Variants in CACNA1A observed in about 807,000 individuals in gnomAD.
CACNA1A encodes voltage-dependent P/Q-type calcium channel subunit alpha-1A.
CACNA1A carries 57 observed loss-of-function variants against 262.4 expected under a neutral mutation model. That is an observed-to-expected ratio of 0.22 (90% CI 0.18 to 0.27). CACNA1A has a LOEUF of 0.27. Ranked by LOEUF, CACNA1A falls within the 10% of genes least tolerant of loss-of-function variation. The pLI is 1.00. For synonymous variants in CACNA1A, 1,431 were observed against 1,419.3 expected (o/e 1.01, Z -0.18); for missense variants, 2,526 against 3,562.8 (o/e 0.71, Z 7.41).
chr19:13,491,372 C>T (rs927647484), intron 1 of CACNA1A, among the ~76,000 whole-genome samples: 64 of 152,240 alleles, frequency 4.2e-4, no homozygotes, highest in Admixed American at 1.4e-3. Flanking sequence ...CATAAGCTCC[C>T]CACAGAGAGG....
intron 4 of CACNA1A, chr19:13,371,470 G>A: frequency 1.8e-6 from 1 of 554,236 alleles, no homozygotes; most frequent in Admixed American, 3.1e-5. Flanking sequence ...GACAGTAGGT[G>A]CTCAATAAAT....
At chr19:13,252,569 T>C (rs1006494569) in intron 30 of CACNA1A, 1 of 152,750 alleles carries the variant, frequency 6.5e-6, no homozygotes, top group African/African-American at 2.4e-5. Flanking sequence ...TTTGTATTTT[T>C]AGTAGAGACA....
intron 21 of CACNA1A, 27 bp downstream of exon 21, chr19:13,285,041 C>A (rs375388960): frequency 2.5e-6 from 4 of 1,613,524 alleles, no homozygotes; most frequent in African/African-American, 2.7e-5. Flanking sequence ...CCAGGCCCCC[C>A]CTGCCCTTGC....
At chr19:13,270,438 C>T (rs542459460) in intron 24 of CACNA1A, among the ~76,000 whole-genome samples, 2 of 151,658 alleles carry the variant, frequency 1.3e-5, no homozygotes, top group South Asian at 2.1e-4. Flanking sequence ...GAGAGTTCAG[C>T]GCTCAGGCTG....
chr19:13,238,885 C>T (rs370184789), intron 31 of CACNA1A, among the ~76,000 whole-genome samples: 5 of 152,136 alleles, frequency 3.3e-5, no homozygotes, highest in East Asian at 3.8e-4. Flanking sequence ...CCGTGCTCAG[C>T]CTATCTCCCA....
chr19:13,501,075 A>G (rs1398341230), intron 1 of CACNA1A, among the ~76,000 whole-genome samples: 1 of 152,178 alleles, frequency 6.6e-6, no homozygotes, highest in South Asian at 2.1e-4. Flanking sequence ...TTTAGGGTTG[A>G]TGAAACTGTC....
rs984743792 is a variant in CACNA1A, at chr19:13,420,941, T to C, written c.539+31935A>G. Among the ~76,000 whole-genome samples the C allele has an allele frequency of 2.0e-5, 3 of 152,180 alleles. No homozygotes were observed. The South Asian group carries it at 6.2e-4, about 32-fold the overall frequency. ...CAGTAATGGAATTTTAGCCAAGTCA[T>C]GGAGTTCCCAACAAAACTACATTTC... On this transcript the variant is annotated intron_variant, in intron 3 of 46. Transcript: ENST00000360228.
At chr19:13,478,555 G>A (rs1192019148) in intron 1 of CACNA1A, among the ~76,000 whole-genome samples, 1 of 152,066 alleles carries the variant, frequency 6.6e-6, no homozygotes, top group Non-Finnish European at 1.5e-5. Context: ...GGCCTCCAGC[G>A]ATCCTCCTAC....
At position 13,235,600 on chromosome 19, in the gene CACNA1A, G is replaced by A. The variant is rs2144649493; in HGVS notation, c.5067+14C>T. 1 of 1,563,830 alleles carries A rather than the reference G, an allele frequency of 6.4e-7. No homozygotes were observed. Among genetic ancestry groups the A allele is most frequent in the African/African-American group, 1.4e-5 (1 of 74,030 alleles). On this transcript the variant is annotated intron_variant, in intron 32 of 46. Coordinates refer to ENST00000360228, the MANE Select transcript of CACNA1A (RefSeq NM_001127222.2). ...CTTCTCAGCCCTGGGCCAGCAGCAG[G>A]GACGAGGACTCACCTTGAAGGACTG...
intron 22 of CACNA1A, among the ~76,000 whole-genome samples, chr19:13,280,544 G>A (rs984589754): frequency 6.6e-6 from 1 of 151,936 alleles, no homozygotes; most frequent in Non-Finnish European, 1.5e-5. Context: ...GAGGGGCGTG[G>A]CATGGGGACA....
intron 3 of CACNA1A, among the ~76,000 whole-genome samples, chr19:13,442,972 G>A (rs1315582717): frequency 6.6e-6 from 1 of 152,048 alleles, no homozygotes; most frequent in Non-Finnish European, 1.5e-5. Flanking sequence ...TCAAATCCTG[G>A]GTCCACCACT....
intron 1 of CACNA1A, among the ~76,000 whole-genome samples, chr19:13,461,751 T>C (rs952953149): frequency 3.3e-5 from 5 of 152,146 alleles, no homozygotes; most frequent in African/African-American, 9.7e-5. Flanking sequence ...TGCTCCCTGA[T>C]TGGCTCGGAG....
intron 1 of CACNA1A, among the ~76,000 whole-genome samples, chr19:13,490,907 AGAAG>A (rs768362882): frequency 1.0e-4 from 14 of 138,314 alleles, no homozygotes; most frequent in South Asian, 2.8e-4. Flanking sequence ...TAAGGAAGGA[AGAAG>A]GAAGGGAGGG....
intron 31 of CACNA1A, chr19:13,243,731 G>A (rs947890447): frequency 4.0e-5 from 6 of 151,806 alleles, no homozygotes; most frequent in African/African-American, 1.5e-4. Context: ...TAATTTTTTT[G>A]TATTGTCAGT....
intron 43 of CACNA1A, chr19:13,211,473 C>T (rs1021665321): frequency 1.3e-5 from 2 of 153,300 alleles, no homozygotes; most frequent in Admixed American, 6.5e-5. Context: ...ACCCCTGTGC[C>T]CCCCAATGAC....
intron 10 of CACNA1A, among the ~76,000 whole-genome samples, chr19:13,327,291 T>C (rs1290974183): frequency 3.3e-5 from 5 of 152,038 alleles, no homozygotes; most frequent in South Asian, 4.2e-4. Flanking sequence ...ACTGGCTAGA[T>C]TGGGGGCTCC....
intron 3 of CACNA1A, among the ~76,000 whole-genome samples, chr19:13,406,975 A>C (rs2060024105): frequency 6.6e-6 from 1 of 151,952 alleles, no homozygotes. Flanking sequence ...ACATGTATGC[A>C]TGTGTACACA....
chr19:13,239,369 T>G (rs2055993045), intron 31 of CACNA1A, among the ~76,000 whole-genome samples: 1 of 152,208 alleles, frequency 6.6e-6, no homozygotes, highest in Non-Finnish European at 1.5e-5. Flanking sequence ...TGCATCTCTC[T>G]CTGCCTTGTT....
intron 12 of CACNA1A, among the ~76,000 whole-genome samples, chr19:13,310,454 CAAAAAAAAAAAAAAAAAAA>C (rs869052278): frequency 3.9e-5 from 1 of 25,902 alleles, no homozygotes; most frequent in African/African-American, 2.3e-4. Flanking sequence ...GACTCTGTCT[CAAAAAAAAAAAAAAAAAAA>C]AAAAAAAAAA....
Sources: allele counts gnomAD v4.1 joint callset (sites outside exome capture counted in the v4.1 genomes callset), GRCh38; gene constraint gnomAD v4.1.1; transcripts MANE v1.5; gene names NCBI Gene and HGNC (gene_info 2026-07-23, HGNC 2026-07-21).